RIC1: variants seen among roughly 807,000 people sequenced by gnomAD.
The protein encoded by RIC1 is guanine nucleotide exchange factor subunit RIC1.
A neutral mutation model predicts 169.0 loss-of-function variants in RIC1; 88 were observed. That is an observed-to-expected ratio of 0.52 (90% CI 0.44 to 0.62). The LOEUF (loss-of-function observed/expected upper bound fraction) is 0.62, where lower values mean the gene tolerates loss of function less well. Ranked by LOEUF, RIC1 falls within the 20% of genes least tolerant of loss-of-function variation. The pLI is 0.00. For synonymous variants in RIC1, 790 were observed against 601.5 expected, an observed-to-expected ratio of 1.31 and a Z score of -4.59; for missense variants, 1,877 against 1,725.5, an observed-to-expected ratio of 1.09 and a Z score of -1.56.
intron 1 of RIC1, among the ~76,000 whole-genome samples, chr9:5,644,592 A>C (rs1818411829): frequency 6.6e-6 from 1 of 152,124 alleles, no homozygotes; most frequent in Admixed American, 6.5e-5. Context: ...ATGTGGTAGT[A>C]TTCCTTTTTG....
intron 2 of RIC1, among the ~76,000 whole-genome samples, chr9:5,658,625 A>C (rs1015654762): frequency 6.6e-6 from 1 of 152,114 alleles, no homozygotes; most frequent in African/African-American, 2.4e-5. Context: ...AAGTTGTATT[A>C]ATTGATAGTA....
At chr9:5,750,657 G>A (rs1825665558) in intron 12 of RIC1, among the ~76,000 whole-genome samples, 1 of 151,776 alleles carries the variant, frequency 6.6e-6, no homozygotes, top group South Asian at 2.1e-4. Context: ...GTTTCTTTAA[G>A]AGAAACTGAA....
At chr9:5,737,253 T>C (rs1824772643) in intron 7 of RIC1, among the ~76,000 whole-genome samples, 1 of 152,196 alleles carries the variant, frequency 6.6e-6, no homozygotes, top group Admixed American at 6.5e-5. Flanking sequence ...TATAGAGATT[T>C]TACTTCTGGC....
chr9:5,690,558 A>G (rs1034941472), intron 3 of RIC1, among the ~76,000 whole-genome samples: 2 of 132,550 alleles, frequency 1.5e-5, no homozygotes, highest in Admixed American at 7.6e-5. Flanking sequence ...ATTGTAAAGC[A>G]TTCCATCTTT....
At chr9:5,723,733 G>A (rs536787785) in intron 6 of RIC1, among the ~76,000 whole-genome samples, 14 of 152,272 alleles carry the variant, frequency 9.2e-5, no homozygotes, top group African/African-American at 3.4e-4. Context: ...ATTAATTTTT[G>A]TATAAGGTGT....
At position 5,758,713 on chromosome 9, in the gene RIC1, G is replaced by C. The variant is rs376722078; in HGVS notation, c.1992+1262G>C. Among the ~76,000 whole-genome samples the C allele has an allele frequency of 2.9e-3, 401 of 139,528 alleles. 4 individuals carry two copies. The highest frequency in any genetic ancestry group is 0.01 in the African/African-American group (375 of 37,288). The allele number at this position is 139,528 out of a possible 152,430, so 91.5% of individuals were successfully genotyped here. On this transcript the variant is annotated intron_variant, in intron 17 of 25. Coordinates refer to ENST00000414202, the MANE Select transcript of RIC1 (RefSeq NM_020829.4). ...TATTCTAGACCCCTTAAGCATCTTG[G>C]TCTCCCTTCTTTTTTTTTTTTTTTT...
rs1826157823 is a variant in RIC1, at chr9:5,758,735, TTTTTTTGTCC to T, written c.1992+1291_1992+1300del. On this transcript the variant is annotated intron_variant, in intron 17 of 25. Coordinates refer to ENST00000414202, the MANE Select transcript of RIC1 (RefSeq NM_020829.4). ...TTGGTCTCCCTTCTTTTTTTTTTTT[TTTTTTTGTCC>T]TTTTTTCTTTTTTTTTTTGAGATGG... is the stretch of plus-strand genomic sequence containing the variant. 5.3e-5 allele frequency among the ~76,000 whole-genome samples: 8 copies of T among 151,264 alleles called. No homozygotes were observed. In the South Asian group the frequency reaches 1.7e-3, roughly 32 times the overall value.
At chr9:5,630,358 C>G (rs763779227) in intron 1 of RIC1, among the ~76,000 whole-genome samples, 1 of 152,156 alleles carries the variant, frequency 6.6e-6, no homozygotes, top group East Asian at 1.9e-4. Context: ...GAAGGCAGTA[C>G]CAATCGATGT....
chr9:5,691,406 G>GT (rs1456809457), intron 3 of RIC1, among the ~76,000 whole-genome samples: 1 of 151,878 alleles, frequency 6.6e-6, no homozygotes, highest in Non-Finnish European at 1.5e-5. Flanking sequence ...ATAGCCACTT[G>GT]TTTTTGTAAC....
At chr9:5,693,921 A>C (rs1415370470) in intron 3 of RIC1, among the ~76,000 whole-genome samples, 1 of 151,930 alleles carries the variant, frequency 6.6e-6, no homozygotes, top group Non-Finnish European at 1.5e-5. Flanking sequence ...AAAAAAAAAA[A>C]AGTTTCTGTA....
chr9:5,639,445 A>G (rs1818130263), intron 1 of RIC1, among the ~76,000 whole-genome samples: 1 of 152,240 alleles, frequency 6.6e-6, no homozygotes, highest in South Asian at 2.1e-4. Flanking sequence ...TAACTCTATT[A>G]TGAGAGAAGA....
chr9:5,669,269 T>C (rs1819956003), intron 2 of RIC1, among the ~76,000 whole-genome samples: 2 of 152,178 alleles, frequency 1.3e-5, no homozygotes, highest in Non-Finnish European at 2.9e-5. Flanking sequence ...TTGTAGTCTT[T>C]TATCCCTCAC....
At chr9:5,646,894 C>G (rs1180774398) in intron 1 of RIC1, among the ~76,000 whole-genome samples, 2 of 152,110 alleles carry the variant, frequency 1.3e-5, no homozygotes, top group African/African-American at 4.8e-5. Flanking sequence ...AATCCAAAGT[C>G]ATGAAGTTTT....
chr9:5,704,084 AATAGT>A (rs750415374), intron 3 of RIC1, among the ~76,000 whole-genome samples: 13 of 152,008 alleles, frequency 8.6e-5, no homozygotes, highest in Non-Finnish European at 1.9e-4. Context: ...ATGAATGTGA[AATAGT>A]ATCTCATTAT....
chr9:5,664,755 T>A (rs140228795), intron 2 of RIC1, among the ~76,000 whole-genome samples: 1 of 152,298 alleles, frequency 6.6e-6, no homozygotes, highest in East Asian at 1.9e-4. Flanking sequence ...CCCCAGTCAG[T>A]CTTAGGTTCA....
intron 6 of RIC1, among the ~76,000 whole-genome samples, chr9:5,722,393 T>C (rs1039545779): frequency 2.1e-5 from 3 of 146,248 alleles, no homozygotes; most frequent in African/African-American, 7.8e-5. Context: ...ACCTATGCAG[T>C]GTATGTGTGG....
chr9:5,697,064 T>G (rs1438883157), intron 3 of RIC1, among the ~76,000 whole-genome samples: 1 of 152,230 alleles, frequency 6.6e-6, no homozygotes, highest in Non-Finnish European at 1.5e-5. Context: ...GTAGTCATTC[T>G]TTGCCTGTAT....
chr9:5,652,694 C>CT (rs530994997), intron 1 of RIC1, among the ~76,000 whole-genome samples: 5,429 of 148,980 alleles, frequency 0.036, 342 homozygotes, highest in African/African-American at 0.12. Context: ...ACTTTTTATT[C>CT]TTTTTTTTTT....
intron 6 of RIC1, among the ~76,000 whole-genome samples, chr9:5,724,109 A>G (rs201322181): frequency 1.1e-3 from 167 of 152,276 alleles, no homozygotes; most frequent in Admixed American, 2.0e-3. Context: ...GTCATTGGTA[A>G]CTTGATGGGG....
Sources: allele counts gnomAD v4.1 joint callset (sites outside exome capture counted in the v4.1 genomes callset), GRCh38; gene constraint gnomAD v4.1.1; transcripts MANE v1.5; gene names NCBI Gene and HGNC (gene_info 2026-07-23, HGNC 2026-07-21).